ZBTB20: variants seen among roughly 807,000 people sequenced by gnomAD.
ZBTB20 encodes the protein zinc finger and BTB domain containing 20.
ZBTB20 carries 9 observed loss-of-function variants against 56.9 expected under a neutral mutation model. The observed-to-expected ratio is 0.16, with a 90% CI of 0.10 to 0.28. ZBTB20 has a LOEUF of 0.28. Ranked by LOEUF, ZBTB20 falls within the 10% of genes least tolerant of loss-of-function variation. The pLI, the probability that ZBTB20 is intolerant of heterozygous loss-of-function variation, is 1.00. For missense variants in ZBTB20, 655 were observed against 1,003.0 expected (o/e 0.65, Z 4.69); for synonymous variants, 417 against 420.7 (o/e 0.99, Z 0.11).
intron 3 of ZBTB20, among the ~76,000 whole-genome samples, chr3:114,943,547 C>T (rs2107864316): frequency 6.9e-6 from 1 of 144,898 alleles, no homozygotes; most frequent in Non-Finnish European, 1.5e-5. Context: ...ATTAAAAACC[C>T]AAAGATTATT....
chr3:114,806,471 A>G (rs1268530006), intron 4 of ZBTB20, among the ~76,000 whole-genome samples: 1 of 151,892 alleles, frequency 6.6e-6, no homozygotes, highest in East Asian at 1.9e-4. Context: ...AGAATTCTTT[A>G]TATATTATGC....
At chr3:114,574,990 T>C (rs527808716) in intron 6 of ZBTB20, among the ~76,000 whole-genome samples, 33 of 152,228 alleles carry the variant, frequency 2.2e-4, no homozygotes, top group Admixed American at 1.8e-3. Flanking sequence ...AGTACTAGAA[T>C]ACAAGAACTG....
intron 1 of ZBTB20, among the ~76,000 whole-genome samples, chr3:115,138,312 A>G (rs948514675): frequency 1.3e-5 from 2 of 151,704 alleles, no homozygotes; most frequent in African/African-American, 4.8e-5. Context: ...ATCAGGCAGC[A>G]GTTAGAGTCT....
chr3:114,354,399 G>C (rs1226958622), intron 10 of ZBTB20, among the ~76,000 whole-genome samples: 3 of 152,122 alleles, frequency 2.0e-5, no homozygotes. Context: ...AATAACACTA[G>C]AGATGTCATA....
intron 5 of ZBTB20, among the ~76,000 whole-genome samples, chr3:114,694,507 G>C (rs1377815071): frequency 6.6e-6 from 1 of 152,042 alleles, no homozygotes; most frequent in Non-Finnish European, 1.5e-5. Context: ...TCAGGAATTC[G>C]TGTAGCTAAA....
chr3:114,594,455 C>T (rs923177260), intron 6 of ZBTB20, among the ~76,000 whole-genome samples: 17 of 151,752 alleles, frequency 1.1e-4, no homozygotes, highest in African/African-American at 2.4e-4. Flanking sequence ...TTAGTAGAGA[C>T]GGGGTTTCAC....
intron 3 of ZBTB20, among the ~76,000 whole-genome samples, chr3:114,922,651 A>T (rs1189135840): frequency 1.3e-5 from 2 of 152,244 alleles, no homozygotes; most frequent in African/African-American, 4.8e-5. Flanking sequence ...CGGATGTACA[A>T]GAAGCATGGC....
At chr3:114,781,945 A>T (rs2070134785) in intron 5 of ZBTB20, among the ~76,000 whole-genome samples, 1 of 152,018 alleles carries the variant, frequency 6.6e-6, no homozygotes, top group Admixed American at 6.6e-5. Flanking sequence ...AGTCCATTAA[A>T]CCTTTTTTTC....
At chr3:115,016,025 G>A (rs2079940508) in intron 2 of ZBTB20, among the ~76,000 whole-genome samples, 1 of 151,944 alleles carries the variant, frequency 6.6e-6, no homozygotes, top group Non-Finnish European at 1.5e-5. Flanking sequence ...ACTGGCATGA[G>A]ATGGTATCTC....
At chr3:114,447,441 C>T (rs932121502) in intron 7 of ZBTB20, among the ~76,000 whole-genome samples, 1 of 152,114 alleles carries the variant, frequency 6.6e-6, no homozygotes, top group African/African-American at 2.4e-5. Context: ...AAGTGTATTC[C>T]ACAATAACTG....
At chr3:114,760,173 T>C (rs896802713) in intron 5 of ZBTB20, among the ~76,000 whole-genome samples, 3 of 152,176 alleles carry the variant, frequency 2.0e-5, no homozygotes, top group Non-Finnish European at 2.9e-5. Context: ...TATATAAGAA[T>C]ATATGCCTGT....
chr3:115,028,649 T>C (rs185764687), intron 2 of ZBTB20, among the ~76,000 whole-genome samples: 2,304 of 150,500 alleles, frequency 0.015, 33 homozygotes, highest in South Asian at 0.051. Flanking sequence ...TAAAAATAAT[T>C]TGTGATGACC....
At chr3:114,448,115 T>TC in intron 7 of ZBTB20, among the ~76,000 whole-genome samples, 1 of 152,104 alleles carries the variant, frequency 6.6e-6, no homozygotes, top group Non-Finnish European at 1.5e-5. Context: ...TTACTCCTCC[T>TC]GCCTTGCACC....
chr3:115,118,479 C>T (rs1213241958), intron 1 of ZBTB20, among the ~76,000 whole-genome samples: 1 of 152,126 alleles, frequency 6.6e-6, no homozygotes, highest in Non-Finnish European at 1.5e-5. Flanking sequence ...CACTGTCACT[C>T]TGTAATCATA....
At chr3:114,617,803 C>T (rs2058039460) in intron 6 of ZBTB20, among the ~76,000 whole-genome samples, 1 of 152,124 alleles carries the variant, frequency 6.6e-6, no homozygotes, top group South Asian at 2.1e-4. Context: ...GTTGAAAATG[C>T]TTTTGCTTAG....
intron 2 of ZBTB20, among the ~76,000 whole-genome samples, chr3:115,048,586 T>A (rs2081423458): frequency 6.6e-6 from 1 of 152,148 alleles, no homozygotes; most frequent in Admixed American, 6.5e-5. Flanking sequence ...GTTGAGGTAA[T>A]TATTACTATG....
chr3:114,656,646 CA>C (rs1560092164), intron 6 of ZBTB20, among the ~76,000 whole-genome samples: 1 of 152,018 alleles, frequency 6.6e-6, no homozygotes, highest in Non-Finnish European at 1.5e-5. Flanking sequence ...AATGACTCTT[CA>C]AAAAAATTTC....
chr3:115,080,982 G>C (rs953771299), intron 1 of ZBTB20, among the ~76,000 whole-genome samples: 1 of 152,068 alleles, frequency 6.6e-6, no homozygotes, highest in Non-Finnish European at 1.5e-5. Flanking sequence ...CAGAATAGAA[G>C]AATATAGAAA....
chr3:114,609,482 A>G lies in ZBTB20; in HGVS notation c.-295+84046T>C, dbSNP rs530541331. Reference sequence around the variant, plus strand: ...CTGCTTGTTTTGCTCTGTTATACACAAAGTAATCTTAAATTCAGTTTATTA... The same window carrying G: ...CTGCTTGTTTTGCTCTGTTATACACGAAGTAATCTTAAATTCAGTTTATTA... On this transcript the variant is annotated intron_variant, in intron 6 of 11. Transcript: ENST00000675478. Among the ~76,000 whole-genome samples the G allele has an allele frequency of 2.9e-4, 44 of 152,334 alleles. 1 individual carries two copies. The highest frequency in any genetic ancestry group is 6.0e-4 in the Non-Finnish European group (41 of 68,028).
Sources: allele counts gnomAD v4.1 joint callset (sites outside exome capture counted in the v4.1 genomes callset), GRCh38; gene constraint gnomAD v4.1.1; transcripts MANE v1.5; gene names NCBI Gene and HGNC (gene_info 2026-07-23, HGNC 2026-07-21).